The following TIMD4 variants were observed in gnomAD, a reference collection of about 807,000 sequenced individuals.
TIMD4 encodes T cell immunoglobulin and mucin domain containing 4, also known as T-cell immunoglobulin and mucin domain-containing protein 4.
In TIMD4, 31 loss-of-function variants were observed where a neutral mutation model predicts 41.2. The ratio of observed to expected loss-of-function variants is 0.75; its 90% CI spans 0.57 to 1.01. The LOEUF (loss-of-function observed/expected upper bound fraction) is 1.01. Among genes scored for constraint, TIMD4 ranks in the 50% least tolerant of loss-of-function variants. The pLI is 0.00. For synonymous variants in TIMD4, 204 were observed against 177.1 expected (o/e 1.15, Z -1.21); for missense variants, 479 against 472.5 (o/e 1.01, Z -0.13).
intron 6 of TIMD4, chr5:156,924,459 G>A: frequency 2.0e-6 from 1 of 488,774 alleles, no homozygotes; most frequent in Non-Finnish European, 4.1e-6. Context: ...TCCAGGACTG[G>A]GTGTTATTGG....
Position 156,922,223 on chromosome 5 carries a change from G to A in TIMD4, c.895-7C>T. 6.2e-7 allele frequency: 1 copy of A among 1,608,926 alleles called. No individual in the cohort carries two copies. Among genetic ancestry groups the A allele is most frequent in the Non-Finnish European group, 8.5e-7 (1 of 1,175,650 alleles). ...ACATGGGTATTCCATCCATCTGATG[G>A]GACACAGGCAAGGAGATGGACCCAG... On this transcript the variant is annotated splice_polypyrimidine_tract_variant and splice_region_variant and intron_variant, in intron 6 of 8. Transcript: ENST00000274532.
rs781350322 is a variant in TIMD4, at chr5:156,954,608, G to T, written c.207C>A (p.Ile69=). 6.2e-7 allele frequency: 1 copy of T among 1,614,074 alleles called. No individual in the cohort carries two copies. Among genetic ancestry groups the T allele is most frequent in the Admixed American group, 1.7e-5 (1 of 60,024 alleles). ...CPYSGCKEAL[I]RTDGMRVTSR... ...AGGTCACCCTCATTCCATCAGTGCGGATGAGCGCCTCCTTGCAACCGGAGT... is the reference window on the plus strand; with the variant it reads ...AGGTCACCCTCATTCCATCAGTGCGTATGAGCGCCTCCTTGCAACCGGAGT... Residue 69 remains isoleucine, a synonymous_variant, in exon 2 of 9, where the codon ATC becomes ATA. Coordinates refer to ENST00000274532, the MANE Select transcript of TIMD4 (RefSeq NM_138379.3).
At chr5:156,954,282 A>T (rs1189698802) in intron 2 of TIMD4, 133 bp downstream of exon 2, 1 of 876,864 alleles carries the variant, frequency 1.1e-6, no homozygotes, top group East Asian at 2.7e-5. Flanking sequence ...AAACCACGGC[A>T]CTTTATTTCA....
At chr5:156,962,329 C>T (rs554214656) in intron 1 of TIMD4, among the ~76,000 whole-genome samples, 33 of 151,730 alleles carry the variant, frequency 2.2e-4, no homozygotes, top group African/African-American at 3.6e-4. Flanking sequence ...TACCCTGATT[C>T]GATCATTGTA....
intron 1 of TIMD4, among the ~76,000 whole-genome samples, chr5:156,957,453 C>T (rs1759991104): frequency 7.3e-6 from 1 of 137,400 alleles, no homozygotes; most frequent in African/African-American, 2.7e-5. Context: ...GCGGAGGTTG[C>T]AGTGAGGCGA....
At chr5:156,949,564 G>A (rs1245539060) in intron 4 of TIMD4, 87 bp downstream of exon 4, 1 of 1,169,240 alleles carries the variant, frequency 8.6e-7, no homozygotes, top group African/African-American at 1.5e-5. Flanking sequence ...GAGGTTGTCA[G>A]TCATCTGATT....
chr5:156,953,624 A>C (rs1759905165), intron 2 of TIMD4, among the ~76,000 whole-genome samples: 1 of 130,924 alleles, frequency 7.6e-6, no homozygotes, highest in Non-Finnish European at 1.6e-5. Flanking sequence ...ACTGTACTCC[A>C]GCCTGGGCAA....
At chr5:156,939,255 A>G (rs1759597070) in intron 5 of TIMD4, among the ~76,000 whole-genome samples, 1 of 152,180 alleles carries the variant, frequency 6.6e-6, no homozygotes, top group Admixed American at 6.5e-5. Flanking sequence ...TTTCTCCTTT[A>G]TCGTGGACCT....
At chr5:156,932,968 C>A (rs1424714803) in intron 5 of TIMD4, among the ~76,000 whole-genome samples, 1 of 150,958 alleles carries the variant, frequency 6.6e-6, no homozygotes, top group Non-Finnish European at 1.5e-5. Flanking sequence ...CGTGCCACTG[C>A]ACTCCAGCCT....
At chr5:156,954,931 G>A (rs1371075253) in intron 1 of TIMD4, among the ~76,000 whole-genome samples, 175 bp from the exon 2 acceptor site, 3 of 151,706 alleles carry the variant, frequency 2.0e-5, no homozygotes, top group African/African-American at 4.8e-5. Context: ...AGGCTGGAGT[G>A]CAGTGGTACA....
At chr5:156,941,165 A>T (rs1759644806) in intron 5 of TIMD4, among the ~76,000 whole-genome samples, 2 of 152,088 alleles carry the variant, frequency 1.3e-5, no homozygotes, top group Admixed American at 6.5e-5. Flanking sequence ...GTACCCAGGG[A>T]CACAAACACT....
At chr5:156,923,631 C>G (rs1035772435) in intron 6 of TIMD4, among the ~76,000 whole-genome samples, 1 of 151,626 alleles carries the variant, frequency 6.6e-6, no homozygotes, top group Admixed American at 6.6e-5. Flanking sequence ...CTTGAATTCC[C>G]GGGTTCAAGC....
chr5:156,938,387 C>A (rs891417518), intron 5 of TIMD4, among the ~76,000 whole-genome samples: 14 of 152,314 alleles, frequency 9.2e-5, no homozygotes, highest in African/African-American at 3.4e-4. Context: ...TTCTCATCTG[C>A]AAGTCTTGGG....
At chr5:156,936,088 A>T (rs926874102) in intron 5 of TIMD4, among the ~76,000 whole-genome samples, 1 of 152,088 alleles carries the variant, frequency 6.6e-6, no homozygotes, top group African/African-American at 2.4e-5. Context: ...AATAAAAAAA[A>T]ATTAGCTGGG....
At chr5:156,928,041 C>T (rs981989291) in intron 5 of TIMD4, among the ~76,000 whole-genome samples, 5 of 152,172 alleles carry the variant, frequency 3.3e-5, no homozygotes, top group Non-Finnish European at 7.3e-5. Flanking sequence ...CACAGTGGCT[C>T]ATGCCTGTAA....
chr5:156,948,465 G>A lies in TIMD4; in HGVS notation c.795C>T (p.His265=), dbSNP rs753438325. The A allele has an allele frequency of 9.6e-5, 150 of 1,556,892 alleles. No homozygotes were observed. The highest frequency in any genetic ancestry group is 2.7e-4 in the African/African-American group (20 of 73,146). ...SKVWDLPSTS[H]VSMWKTSDSV... Reference sequence around the variant, plus strand: ...AATCACTCGTTTTCCACATTGACACGTGGGATGTTGATGGGAGATCCCAAA... The same window carrying A: ...AATCACTCGTTTTCCACATTGACACATGGGATGTTGATGGGAGATCCCAAA... The change falls in exon 5 of 9, where the codon CAC becomes CAT. Residue 265 remains histidine (H), a synonymous_variant. Transcript: ENST00000274532.
chr5:156,957,879 G>A (rs1760002242), intron 1 of TIMD4, among the ~76,000 whole-genome samples: 1 of 152,050 alleles, frequency 6.6e-6, no homozygotes, highest in African/African-American at 2.4e-5. Context: ...ATGAATATTT[G>A]GTAAATTAAT....
chr5:156,950,762 G>A (rs79284915), intron 3 of TIMD4, among the ~76,000 whole-genome samples: 5,331 of 152,240 alleles, frequency 0.035, 289 homozygotes, highest in African/African-American at 0.12. Context: ...TTTTAAAGGC[G>A]TCTGGAGGTC....
At chr5:156,961,095 T>C (rs1316678311) in intron 1 of TIMD4, among the ~76,000 whole-genome samples, 5 of 152,250 alleles carry the variant, frequency 3.3e-5, no homozygotes, top group Non-Finnish European at 7.3e-5. Flanking sequence ...GAAAGGTTTC[T>C]GCACATACAA....
Sources: allele counts gnomAD v4.1 joint callset (sites outside exome capture counted in the v4.1 genomes callset), GRCh38; gene constraint gnomAD v4.1.1; transcripts MANE v1.5; gene names NCBI Gene and HGNC (gene_info 2026-07-23, HGNC 2026-07-21).